KLHL32: variants seen among roughly 807,000 people sequenced by gnomAD.
KLHL32 encodes kelch-like protein 32.
In KLHL32, 35 loss-of-function variants were observed where a neutral mutation model predicts 64.8. The observed-to-expected ratio is 0.54, with a 90% confidence interval of 0.41 to 0.72. The LOEUF is 0.72. Among genes scored for constraint, KLHL32 ranks in the 30% least tolerant of loss-of-function variants. The pLI is 0.00. For missense variants in KLHL32, 589 were observed against 768.5 expected, an observed-to-expected ratio of 0.77 and a Z score of 2.76; for synonymous variants, 259 against 281.0, an observed-to-expected ratio of 0.92 and a Z score of 0.78.
intron 2 of KLHL32, among the ~76,000 whole-genome samples, chr6:96,973,751 C>A (rs1775387290): frequency 2.1e-5 from 1 of 48,188 alleles, no homozygotes; most frequent in African/African-American, 8.3e-5. Context: ...TAGACAGAGT[C>A]TCGCTCTGTT....
intron 9 of KLHL32, among the ~76,000 whole-genome samples, chr6:97,132,288 C>A (rs529149445): frequency 6.6e-6 from 1 of 152,108 alleles, no homozygotes; most frequent in Admixed American, 6.5e-5. Flanking sequence ...AAAGCATTTG[C>A]GGGTATAGAA....
At chr6:96,962,932 A>AT (rs1349350541) in intron 1 of KLHL32, among the ~76,000 whole-genome samples, 2 of 152,224 alleles carry the variant, frequency 1.3e-5, no homozygotes, top group African/African-American at 2.4e-5. Context: ...AAAGACTGAA[A>AT]TTTGTGGTAC....
At chr6:96,997,584 TA>T (rs200313479) in intron 3 of KLHL32, among the ~76,000 whole-genome samples, 7 of 151,330 alleles carry the variant, frequency 4.6e-5, no homozygotes, top group Non-Finnish European at 8.8e-5. Context: ...CCTGTCTCTA[TA>T]AAAAAAAATT....
intron 6 of KLHL32, among the ~76,000 whole-genome samples, chr6:97,100,921 G>C (rs1318401350): frequency 7.4e-6 from 1 of 135,620 alleles, no homozygotes; most frequent in Non-Finnish European, 1.5e-5. Flanking sequence ...CTCCACCTCA[G>C]ACTCCCAAGT....
chr6:97,098,483 C>CT (rs1475686768), intron 6 of KLHL32, among the ~76,000 whole-genome samples: 5 of 152,066 alleles, frequency 3.3e-5, no homozygotes, highest in African/African-American at 4.8e-5. Context: ...GTGACAGCAT[C>CT]ATAATTATTG....
intron 6 of KLHL32, among the ~76,000 whole-genome samples, chr6:97,110,493 A>G (rs928499288): frequency 3.3e-5 from 5 of 152,308 alleles, no homozygotes; most frequent in African/African-American, 1.2e-4. Context: ...TTTCAACTGG[A>G]TGCAGAAACT....
At chr6:97,098,566 T>C (rs925422478) in intron 6 of KLHL32, among the ~76,000 whole-genome samples, 7 of 152,238 alleles carry the variant, frequency 4.6e-5, no homozygotes, top group Non-Finnish European at 8.8e-5. Context: ...TGTTTTTTAA[T>C]AGTAAAGAGA....
At chr6:96,939,597 G>A (rs1771031397) in intron 1 of KLHL32, among the ~76,000 whole-genome samples, 1 of 152,176 alleles carries the variant, frequency 6.6e-6, no homozygotes, top group Admixed American at 6.5e-5. Flanking sequence ...AGATTGGAGA[G>A]TGTTTCAAGT....
At chr6:96,925,841 A>T (rs1459177163) in intron 1 of KLHL32, among the ~76,000 whole-genome samples, 3 of 152,324 alleles carry the variant, frequency 2.0e-5, no homozygotes, top group African/African-American at 4.8e-5. Context: ...TCTGTTTTTT[A>T]AAAAATCTCT....
intron 3 of KLHL32, among the ~76,000 whole-genome samples, chr6:97,010,712 T>A (rs2128091728): frequency 6.6e-6 from 1 of 152,338 alleles, no homozygotes; most frequent in East Asian, 1.9e-4. Flanking sequence ...CCTCAAATCT[T>A]GCTACCTAGG....
At chr6:97,120,862 A>G (rs1219400377) in intron 7 of KLHL32, among the ~76,000 whole-genome samples, 1 of 152,162 alleles carries the variant, frequency 6.6e-6, no homozygotes, top group African/African-American at 2.4e-5. Flanking sequence ...AGCTGCCCCC[A>G]GCAGTTACTT....
At chr6:97,007,099 T>G (rs971430849) in intron 3 of KLHL32, among the ~76,000 whole-genome samples, 1 of 152,138 alleles carries the variant, frequency 6.6e-6, no homozygotes, top group Non-Finnish European at 1.5e-5. Context: ...AAGTTGCTTG[T>G]TTTTTTCTCT....
At chr6:97,120,409 A>G (rs1195103886) in intron 7 of KLHL32, among the ~76,000 whole-genome samples, 1 of 152,212 alleles carries the variant, frequency 6.6e-6, no homozygotes, top group Non-Finnish European at 1.5e-5. Context: ...GAGGGAATTA[A>G]CAGGTTAAAG....
chr6:97,007,352 T>G (rs1489967846), intron 3 of KLHL32, among the ~76,000 whole-genome samples: 1 of 152,242 alleles, frequency 6.6e-6, no homozygotes, highest in African/African-American at 2.4e-5. Flanking sequence ...AGATCATTTC[T>G]TAAAGTGGCC....
intron 4 of KLHL32, among the ~76,000 whole-genome samples, chr6:97,049,806 T>G (rs1786560434): frequency 6.6e-6 from 1 of 152,188 alleles, no homozygotes; most frequent in African/African-American, 2.4e-5. Context: ...CTTTTATCAG[T>G]GCATTATTGA....
upstream of KLHL32, among the ~76,000 whole-genome samples, chr6:96,920,609 TCTA>T (rs1184914899): frequency 6.6e-6 from 1 of 152,104 alleles, no homozygotes; most frequent in African/African-American, 2.4e-5. Flanking sequence ...CTTCTCTTCC[TCTA>T]CTTTTACACA....
At chr6:97,120,696 C>T (rs1268656002) in intron 7 of KLHL32, among the ~76,000 whole-genome samples, 2 of 152,094 alleles carry the variant, frequency 1.3e-5, no homozygotes, top group African/African-American at 4.8e-5. Flanking sequence ...TAAGAGAATG[C>T]CCCCTTGTTG....
chr6:97,139,064 G>C, intron 10 of KLHL32, 57 bp from the exon 11 acceptor site: 1 of 1,514,338 alleles, frequency 6.6e-7, no homozygotes, highest in Non-Finnish European at 8.9e-7. Context: ...TGTATACATA[G>C]CTTTATTTTG....
At chr6:97,125,348 A>C (rs547991798) in intron 7 of KLHL32, among the ~76,000 whole-genome samples, 3 of 152,088 alleles carry the variant, frequency 2.0e-5, no homozygotes, top group Middle Eastern at 6.8e-3. Flanking sequence ...TGTTGACTTG[A>C]CTCCTAGCCA....
Sources: gnomAD v4.1 joint callset for allele counts (sites outside exome capture counted in the v4.1 genomes callset) on GRCh38, gnomAD v4.1.1 for gene constraint, MANE v1.5 for transcripts, NCBI Gene and HGNC (gene_info 2026-07-23, HGNC 2026-07-21) for gene names.